The following LRP2 variants were observed in gnomAD, a reference collection of about 807,000 sequenced individuals.
The protein encoded by LRP2 is LDL receptor related protein 2.
In LRP2, 172 loss-of-function variants were observed where a neutral mutation model predicts 531.0. That is an observed-to-expected ratio of 0.32 (90% CI 0.29 to 0.37). LRP2 has a LOEUF of 0.37. LRP2 is among the 10% of genes least tolerant of loss of function. The pLI is 1.00. For synonymous variants in LRP2, 1,992 were observed against 2,027.6 expected (o/e 0.98, Z 0.47); for missense variants, 5,167 against 5,868.3 (o/e 0.88, Z 3.90).
intron 47 of LRP2, among the ~76,000 whole-genome samples, chr2:169,193,166 C>T (rs1687887716): frequency 6.6e-6 from 1 of 152,070 alleles, no homozygotes; most frequent in Non-Finnish European, 1.5e-5. Flanking sequence ...GTGGCTCATG[C>T]TTGTAATCCC....
chr2:169,137,371 A>C (rs1047646318), intron 76 of LRP2, 21 bp downstream of exon 76: 29 of 1,525,626 alleles, frequency 1.9e-5, no homozygotes, highest in Non-Finnish European at 2.6e-5. Context: ...AACTGAAAGA[A>C]AAGACTGTAT....
intron 1 of LRP2, among the ~76,000 whole-genome samples, chr2:169,340,912 C>A (rs2105557800): frequency 6.6e-6 from 1 of 152,232 alleles, no homozygotes; most frequent in East Asian, 1.9e-4. Flanking sequence ...CATGCTTATG[C>A]CTGACACTGT....
At chr2:169,137,335 A>G (rs138851747) in intron 76 of LRP2, 57 bp downstream of exon 76, 342 of 1,213,656 alleles carry the variant, frequency 2.8e-4, no homozygotes, top group Middle Eastern at 5.7e-4. Context: ...ACATGACTCA[A>G]TAGATTAAGA....
Position 169,257,160 on chromosome 2 carries a change from G to T in LRP2, c.2603C>A (p.Thr868Asn), listed in dbSNP as rs150752263. 4 of 1,612,820 alleles carry T rather than the reference G, an allele frequency of 2.5e-6. No individual in the cohort carries two copies. In the African/African-American group the frequency reaches 4.0e-5, roughly 16 times the overall value. Residue 868 changes from threonine (T) to asparagine (N), a missense_variant, in exon 18 of 79, where the codon ACT becomes AAT. Physicochemically the swap from Thr to Asn is moderately conservative, Grantham distance 65. Coordinates refer to ENST00000649046, the MANE Select transcript of LRP2 (RefSeq NM_004525.3). Reference sequence around the variant, plus strand: ...GGCCAAGCCATTGGGCCATCCAAGAGTAGTGTTTATTACAGGCAAGAGGTG... The same window carrying T: ...GGCCAAGCCATTGGGCCATCCAAGATTAGTGTTTATTACAGGCAAGAGGTG... ...GSHLLPVINT[T>N]LGWPNGLAID... is the part of the protein sequence containing the mutation.
At chr2:169,335,017 T>A (rs1467379584) in intron 1 of LRP2, among the ~76,000 whole-genome samples, 11 of 152,166 alleles carry the variant, frequency 7.2e-5, no homozygotes, top group Admixed American at 7.2e-4. Context: ...GGTAGGATGC[T>A]CAACACTGAA....
At chr2:169,345,557 T>C (rs906776306) in intron 1 of LRP2, among the ~76,000 whole-genome samples, 2 of 152,200 alleles carry the variant, frequency 1.3e-5, no homozygotes, top group Non-Finnish European at 2.9e-5. Flanking sequence ...TGAACTGTTC[T>C]AATCCCGAAT....
At chr2:169,314,708 T>G (rs1684711787) in intron 3 of LRP2, among the ~76,000 whole-genome samples, 3 of 152,216 alleles carry the variant, frequency 2.0e-5, no homozygotes, top group Non-Finnish European at 4.4e-5. Context: ...CTAAGTACCT[T>G]ATACCTGTGG....
intron 59 of LRP2, 57 bp from the exon 60 acceptor site, chr2:169,169,875 G>T (rs903484670): frequency 1.7e-6 from 2 of 1,172,890 alleles, no homozygotes; most frequent in Middle Eastern, 3.8e-4. Flanking sequence ...ACAGATATTA[G>T]GTACCTGGAG....
At chr2:169,139,192 A>C (rs1013315002) in intron 74 of LRP2, 59 bp downstream of exon 74, 19 of 1,613,044 alleles carry the variant, frequency 1.2e-5, no homozygotes, top group Non-Finnish European at 1.6e-5. Flanking sequence ...AGTCCTTCAC[A>C]TGGCTTCATA....
intron 1 of LRP2, among the ~76,000 whole-genome samples, chr2:169,324,087 C>T (rs552791372): frequency 6.6e-6 from 1 of 152,284 alleles, no homozygotes; most frequent in South Asian, 2.1e-4. Flanking sequence ...ACACACCATT[C>T]TAAGTGCTCT....
intron 44 of LRP2, among the ~76,000 whole-genome samples, chr2:169,200,966 A>C (rs1688185006): frequency 6.6e-6 from 1 of 152,266 alleles, no homozygotes; most frequent in Admixed American, 6.5e-5. Flanking sequence ...GTGATGCAAC[A>C]GGAAAGGCAC....
At chr2:169,181,684 CT>C in intron 51 of LRP2, 66 bp from the exon 52 acceptor site, 1 of 1,413,160 alleles carries the variant, frequency 7.1e-7, no homozygotes, top group Non-Finnish European at 1.0e-6. Flanking sequence ...AAATACACAC[CT>C]TTTCTCCATT....
At chr2:169,313,825 C>G (rs1684685442) in intron 3 of LRP2, among the ~76,000 whole-genome samples, 1 of 152,138 alleles carries the variant, frequency 6.6e-6, no homozygotes, top group Admixed American at 6.5e-5. Context: ...ATCTTGGAAC[C>G]TCCCTCCTCT....
chr2:169,142,578 G>GCTGCAA, intron 71 of LRP2, 96 bp downstream of exon 71: 1 of 1,566,178 alleles, frequency 6.4e-7, no homozygotes. Flanking sequence ...TCCCCACTCT[G>GCTGCAA]CTGCAAAGGA....
intron 16 of LRP2, among the ~76,000 whole-genome samples, chr2:169,262,102 A>G (rs887952990): frequency 2.0e-5 from 3 of 151,774 alleles, no homozygotes; most frequent in African/African-American, 4.8e-5. Flanking sequence ...TCTCAAAATA[A>G]TAAGAGCTAT....
intron 1 of LRP2, among the ~76,000 whole-genome samples, chr2:169,352,294 C>T (rs1685871293): frequency 6.6e-6 from 1 of 152,158 alleles, no homozygotes; most frequent in Non-Finnish European, 1.5e-5. Flanking sequence ...GGTTCAGGAC[C>T]TGCCATGCTG....
chr2:169,153,009 A>G, intron 66 of LRP2, 45 bp from the exon 67 acceptor site: 1 of 1,587,056 alleles, frequency 6.3e-7, no homozygotes, highest in East Asian at 2.2e-5. Flanking sequence ...AAGAGCATCA[A>G]GTAAAGGAAG....
chr2:169,340,560 C>T (rs1052311857), intron 1 of LRP2, among the ~76,000 whole-genome samples: 2 of 152,178 alleles, frequency 1.3e-5, no homozygotes, highest in Non-Finnish European at 2.9e-5. Context: ...GAAGGCATGT[C>T]CTCCTTTCTC....
intron 1 of LRP2, among the ~76,000 whole-genome samples, chr2:169,326,864 C>CA: frequency 6.7e-6 from 1 of 149,722 alleles, no homozygotes. Flanking sequence ...GCCTCTGCCC[C>CA]GCCGCCCCGT....
Sources: gnomAD v4.1 joint callset for allele counts (sites outside exome capture counted in the v4.1 genomes callset) on GRCh38, gnomAD v4.1.1 for gene constraint, MANE v1.5 for transcripts, NCBI Gene and HGNC (gene_info 2026-07-23, HGNC 2026-07-21) for gene names.